YAP1: variants seen among roughly 807,000 people sequenced by gnomAD.
YAP1 encodes the protein Yes1 associated transcriptional regulator.
In YAP1, 5 loss-of-function variants were observed where a neutral mutation model predicts 56.9. That is an observed-to-expected ratio of 0.09 (90% CI 0.05 to 0.18). YAP1 has a LOEUF of 0.18. YAP1 is among the 10% of genes least tolerant of loss of function. The pLI, the probability that YAP1 is intolerant of heterozygous loss-of-function variation, is 1.00. For synonymous variants in YAP1, 265 were observed against 248.1 expected (o/e 1.07, Z -0.64); for missense variants, 539 against 651.8 (o/e 0.83, Z 1.88).
intron 2 of YAP1, among the ~76,000 whole-genome samples, chr11:102,132,461 C>T (rs568502916): frequency 4.6e-5 from 7 of 152,340 alleles, no homozygotes; most frequent in Admixed American, 1.3e-4. Context: ...TATCAAAACA[C>T]TTGAAAAGCC....
intron 6 of YAP1, among the ~76,000 whole-genome samples, chr11:102,217,111 ACT>A (rs1487010582): frequency 6.6e-6 from 1 of 152,198 alleles, no homozygotes; most frequent in African/African-American, 2.4e-5. Flanking sequence ...TATTTAGTGG[ACT>A]TTTATGGAAC....
intron 5 of YAP1, among the ~76,000 whole-genome samples, chr11:102,208,780 A>T (rs943827982): frequency 6.6e-6 from 1 of 152,216 alleles, no homozygotes; most frequent in African/African-American, 2.4e-5. Flanking sequence ...CTAAAAAAAA[A>T]GTTCTTTAAT....
intron 3 of YAP1, among the ~76,000 whole-genome samples, chr11:102,176,774 AAAG>A (rs1947283943): frequency 3.6e-5 from 5 of 138,262 alleles, no homozygotes; most frequent in African/African-American, 1.1e-4. Flanking sequence ...AAAAAAAAAA[AAAG>A]AGTAGAATTT....
intron 2 of YAP1, among the ~76,000 whole-genome samples, chr11:102,126,425 C>G (rs972288510): frequency 6.6e-6 from 1 of 152,122 alleles, no homozygotes; most frequent in African/African-American, 2.4e-5. Context: ...CTTTCTTTCC[C>G]GTGCTATTCT....
intron 4 of YAP1, among the ~76,000 whole-genome samples, chr11:102,193,686 T>C (rs1948417312): frequency 6.6e-6 from 1 of 152,198 alleles, no homozygotes; most frequent in African/African-American, 2.4e-5. Context: ...GAGTACATTG[T>C]TCATACAGGA....
At chr11:102,199,472 G>A (rs1433864843) in intron 4 of YAP1, among the ~76,000 whole-genome samples, 1 of 152,104 alleles carries the variant, frequency 6.6e-6, no homozygotes, top group Non-Finnish European at 1.5e-5. Context: ...AACCTATAAG[G>A]ATGAAAGTTT....
In YAP1 at chr11:102,231,344, G is replaced by A. The variant is rs1950429480; in HGVS notation, c.*1404G>A. Reference sequence around the variant, plus strand: ...CTAGTTTGTAGTTCTCATTTGTAATGAACACATTAACGACTAGATTAAAAT... The same window carrying A: ...CTAGTTTGTAGTTCTCATTTGTAATAAACACATTAACGACTAGATTAAAAT... On this transcript the variant is annotated 3_prime_UTR_variant, in exon 9 of 9. Coordinates refer to ENST00000282441, the MANE Select transcript of YAP1 (RefSeq NM_001130145.3). 6.6e-6 allele frequency: 1 copy of A among 152,144 alleles called. No individual in the cohort carries two copies. The highest frequency in any genetic ancestry group is 6.5e-5 in the Admixed American group (1 of 15,272). 9.4% of individuals were successfully genotyped at this position (152,144 alleles called of 1,614,324 possible). A position where few individuals can be genotyped will look rare whatever the true frequency, so the allele number is the denominator to read the frequency against.
intron 4 of YAP1, among the ~76,000 whole-genome samples, chr11:102,205,536 A>T (rs1949075240): frequency 6.6e-6 from 1 of 152,058 alleles, no homozygotes; most frequent in African/African-American, 2.4e-5. Flanking sequence ...ATCAATTTTT[A>T]TATCCTCTGA....
At chr11:102,131,902 C>G (rs773687556) in intron 2 of YAP1, among the ~76,000 whole-genome samples, 26 of 152,034 alleles carry the variant, frequency 1.7e-4, no homozygotes, top group Non-Finnish European at 3.5e-4. Flanking sequence ...GTAAGAAATT[C>G]TGTTGTAAAA....
intron 3 of YAP1, among the ~76,000 whole-genome samples, chr11:102,173,567 G>C (rs1392333800): frequency 6.6e-6 from 1 of 152,150 alleles, no homozygotes; most frequent in African/African-American, 2.4e-5. Flanking sequence ...CCTACTGGGA[G>C]CCATGACCTG....
intron 2 of YAP1, among the ~76,000 whole-genome samples, chr11:102,148,890 C>G (rs1033453314): frequency 1.3e-5 from 2 of 152,080 alleles, no homozygotes; most frequent in Non-Finnish European, 2.9e-5. Context: ...TATTTTCAGA[C>G]TGTTTAACTA....
chr11:102,170,084 AATC>A (rs1407206109), intron 3 of YAP1, among the ~76,000 whole-genome samples: 1 of 152,204 alleles, frequency 6.6e-6, no homozygotes, highest in Non-Finnish European at 1.5e-5. Flanking sequence ...GGCACTTTCT[AATC>A]ATCGCTCTTG....
chr11:102,118,793 T>C (rs912996743), intron 2 of YAP1, among the ~76,000 whole-genome samples: 3 of 150,588 alleles, frequency 2.0e-5, no homozygotes, highest in African/African-American at 7.3e-5. Flanking sequence ...TATGTTGTTA[T>C]CATATACAGT....
In YAP1 at chr11:102,112,555, A is replaced by G. The variant is rs567568313; in HGVS notation, c.321+1386A>G. 4 of 984,892 alleles carry G rather than the reference A, an allele frequency of 4.1e-6. No homozygotes were observed. The South Asian group carries it at 1.9e-4, about 46-fold the overall frequency. 61.0% of individuals were successfully genotyped at this position (984,892 alleles called of 1,614,324 possible). ...CCACTCGGGATGTAACTTGAGTGGA[A>G]AGAAGAGTTACCGCCCCCACTCCCA... is the stretch of plus-strand genomic sequence containing the variant. On this transcript the variant is annotated intron_variant, in intron 1 of 8. Transcript: ENST00000282441.
At chr11:102,137,786 C>G (rs1324433561) in intron 2 of YAP1, among the ~76,000 whole-genome samples, 1 of 143,274 alleles carries the variant, frequency 7.0e-6, no homozygotes, top group African/African-American at 2.6e-5. Context: ...AGTTCCTTTT[C>G]TCAATATCAT....
chr11:102,209,594 G>GAAAA lies in YAP1; in HGVS notation c.1032+42_1032+45dup, dbSNP rs35731181. On this transcript the variant is annotated intron_variant, in intron 6 of 8. Transcript: ENST00000282441. ...GCTCTTATCTGATGTTTTAGCACTG[G>GAAAA]AAAAAAAAAAAAAAAGATATTAAAT... 6.1e-6 allele frequency: 8 copies of GAAAA among 1,316,906 alleles called. No individual in the cohort carries two copies. In the Admixed American group the frequency reaches 1.0e-4, roughly 17 times the overall value. 81.6% of individuals were successfully genotyped at this position (1,316,906 alleles called of 1,614,324 possible).
At chr11:102,182,861 G>A (rs1190788647) in intron 3 of YAP1, among the ~76,000 whole-genome samples, 3 of 152,060 alleles carry the variant, frequency 2.0e-5, no homozygotes, top group Non-Finnish European at 4.4e-5. Flanking sequence ...TGAATATAAA[G>A]TATTATTTTG....
At chr11:102,180,383 A>G (rs1214367484) in intron 3 of YAP1, among the ~76,000 whole-genome samples, 1 of 152,052 alleles carries the variant, frequency 6.6e-6, no homozygotes, top group Non-Finnish European at 1.5e-5. Context: ...AACATGCATA[A>G]TGAAATAATA....
intron 3 of YAP1, among the ~76,000 whole-genome samples, chr11:102,182,268 G>A (rs1947671691): frequency 6.6e-6 from 1 of 152,176 alleles, no homozygotes; most frequent in South Asian, 2.1e-4. Context: ...AATATTTATA[G>A]CACATTATAA....
Sources: allele counts gnomAD v4.1 joint callset (sites outside exome capture counted in the v4.1 genomes callset), GRCh38; gene constraint gnomAD v4.1.1; transcripts MANE v1.5; gene names NCBI Gene and HGNC (gene_info 2026-07-23, HGNC 2026-07-21).